Variants in MAML2 observed in about 807,000 individuals in gnomAD.
MAML2 encodes mastermind like transcriptional coactivator 2.
A neutral mutation model predicts 96.1 loss-of-function variants in MAML2; 22 were observed. The ratio of observed to expected loss-of-function variants is 0.23; its 90% confidence interval spans 0.16 to 0.33. MAML2 has a LOEUF of 0.33. Ranked by LOEUF, MAML2 falls within the 10% of genes least tolerant of loss-of-function variation. The pLI is 1.00. For missense variants in MAML2, 1,367 were observed against 1,392.4 expected (o/e 0.98, Z 0.29); for synonymous variants, 561 against 521.3 (o/e 1.08, Z -1.04).
chr11:96,036,140 A>G (rs1366433992), intron 2 of MAML2, among the ~76,000 whole-genome samples: 1 of 152,204 alleles, frequency 6.6e-6, no homozygotes, highest in Non-Finnish European at 1.5e-5. Context: ...GAGATGCTAC[A>G]CATGTAATTC....
chr11:96,257,441 A>T (rs11600018), intron 1 of MAML2, among the ~76,000 whole-genome samples: 18,491 of 152,294 alleles, frequency 0.12, 1,613 homozygotes, highest in African/African-American at 0.25. Flanking sequence ...GTTACTATAA[A>T]TGAATAAACA....
At chr11:96,119,217 A>G (rs1860294701) in intron 1 of MAML2, among the ~76,000 whole-genome samples, 1 of 152,108 alleles carries the variant, frequency 6.6e-6, no homozygotes, top group Non-Finnish European at 1.5e-5. Context: ...TTACATGGCA[A>G]AAGAGACTGT....
intron 2 of MAML2, among the ~76,000 whole-genome samples, chr11:96,035,207 A>G (rs1858691288): frequency 6.6e-6 from 1 of 152,244 alleles, no homozygotes; most frequent in Non-Finnish European, 1.5e-5. Flanking sequence ...AGTGTGAGAT[A>G]GGTCAAGAGA....
intron 2 of MAML2, among the ~76,000 whole-genome samples, chr11:96,040,116 T>C (rs904851551): frequency 6.6e-6 from 1 of 152,200 alleles, no homozygotes; most frequent in African/African-American, 2.4e-5. Context: ...GTTTTCCTGG[T>C]TCAATAGTTT....
At chr11:96,307,789 T>A (rs1863485378) in intron 1 of MAML2, among the ~76,000 whole-genome samples, 1 of 152,166 alleles carries the variant, frequency 6.6e-6, no homozygotes, top group Non-Finnish European at 1.5e-5. Context: ...ATAAAAAGTG[T>A]CTGGGCTCCC....
intron 1 of MAML2, among the ~76,000 whole-genome samples, chr11:96,243,655 CTTTTT>C (rs11394033): frequency 9.2e-4 from 125 of 135,690 alleles, no homozygotes; most frequent in African/African-American, 3.2e-3. Flanking sequence ...CCTTCTTTTT[CTTTTT>C]TTTTTTTTTT....
chr11:96,277,371 G>T (rs1269177871), intron 1 of MAML2, among the ~76,000 whole-genome samples: 2 of 152,108 alleles, frequency 1.3e-5, no homozygotes, highest in African/African-American at 4.8e-5. Flanking sequence ...GTATCTGTGG[G>T]TATCACTTCA....
At chr11:96,006,988 T>G (rs1478998911) in intron 2 of MAML2, among the ~76,000 whole-genome samples, 1 of 151,572 alleles carries the variant, frequency 6.6e-6, no homozygotes, top group Non-Finnish European at 1.5e-5. Flanking sequence ...CCTAAATTAT[T>G]TCTAGATATC....
intron 1 of MAML2, among the ~76,000 whole-genome samples, chr11:96,280,033 T>A (rs929320796): frequency 1.3e-5 from 2 of 152,190 alleles, no homozygotes; most frequent in African/African-American, 4.8e-5. Flanking sequence ...ATGTATAAAA[T>A]ATATTTTTAT....
rs1348400082 is a variant in MAML2 at position 95,991,532 on chromosome 11, C to T, written c.2331G>A (p.Met777Ile). 6.2e-7 allele frequency: 1 copy of T among 1,613,706 alleles called. No individual in the cohort carries two copies. Among genetic ancestry groups the T allele is most frequent in the Admixed American group, 1.7e-5 (1 of 59,996 alleles). ...GAGAAAGTTTTACCGCGTCAGCCAG[C>T]ATCTGCTGCTGGAGAAGAAGTTGCT... ...QKQQLLLQQQMLADAEKIAPQ... is the reference protein window; with the variant it reads ...QKQQLLLQQQILADAEKIAPQ... The change falls in exon 3 of 5, where the codon ATG (methionine) becomes ATA (isoleucine). Residue 777 changes from methionine (M) to isoleucine (I), a missense_variant. Physicochemically the swap from Met to Ile is conservative, Grantham distance 10 (BLOSUM62 1). Coordinates refer to ENST00000524717, the MANE Select transcript of MAML2 (RefSeq NM_032427.4).
intron 1 of MAML2, among the ~76,000 whole-genome samples, chr11:96,174,453 G>T (rs371226239): frequency 1.3e-5 from 2 of 152,078 alleles, no homozygotes; most frequent in Non-Finnish European, 2.9e-5. Context: ...GCACAGTCTC[G>T]GGTCACTGCA....
At chr11:96,329,961 T>C (rs927741116) in intron 1 of MAML2, among the ~76,000 whole-genome samples, 1 of 152,198 alleles carries the variant, frequency 6.6e-6, no homozygotes, top group African/African-American at 2.4e-5. Flanking sequence ...ACATTGCCCA[T>C]ATATATTTGC....
chr11:96,176,222 A>T (rs16923178), intron 1 of MAML2, among the ~76,000 whole-genome samples: 2,729 of 152,294 alleles, frequency 0.018, 93 homozygotes, highest in African/African-American at 0.061. Flanking sequence ...ATCCACACTT[A>T]TTTAACCCCA....
intron 2 of MAML2, among the ~76,000 whole-genome samples, chr11:96,059,316 G>A (rs773206849): frequency 1.3e-5 from 2 of 152,174 alleles, no homozygotes; most frequent in Admixed American, 6.5e-5. Flanking sequence ...TATAAAATAA[G>A]AGCTGCATGG....
intron 1 of MAML2, among the ~76,000 whole-genome samples, chr11:96,101,339 A>T (rs911138629): frequency 1.3e-5 from 2 of 152,236 alleles, no homozygotes; most frequent in African/African-American, 4.8e-5. Flanking sequence ...CAGCGTGGAC[A>T]CTTCCATCAC....
At chr11:96,099,537 A>G (rs1859887192) in intron 1 of MAML2, among the ~76,000 whole-genome samples, 1 of 152,158 alleles carries the variant, frequency 6.6e-6, no homozygotes, top group Non-Finnish European at 1.5e-5. Context: ...GAGGGTGGGC[A>G]TTCATTGCCT....
chr11:96,304,961 A>G (rs1186137768), intron 1 of MAML2, among the ~76,000 whole-genome samples: 1 of 152,254 alleles, frequency 6.6e-6, no homozygotes, highest in Non-Finnish European at 1.5e-5. Context: ...GACTGAGAAT[A>G]ACATTCTGAA....
At chr11:96,048,965 T>C (rs1858949413) in intron 2 of MAML2, among the ~76,000 whole-genome samples, 1 of 152,236 alleles carries the variant, frequency 6.6e-6, no homozygotes, top group African/African-American at 2.4e-5. Flanking sequence ...CAGGAATATG[T>C]GTTCAAGTAC....
intron 1 of MAML2, among the ~76,000 whole-genome samples, chr11:96,112,967 T>C (rs570572900): frequency 6.6e-5 from 10 of 152,346 alleles, no homozygotes; most frequent in African/African-American, 2.2e-4. Flanking sequence ...CTCTGCACTA[T>C]GGGCTCTCTC....
Sources: allele counts gnomAD v4.1 joint callset (sites outside exome capture counted in the v4.1 genomes callset), GRCh38; gene constraint gnomAD v4.1.1; transcripts MANE v1.5; gene names NCBI Gene and HGNC (gene_info 2026-07-23, HGNC 2026-07-21).